The following GPR158 variants were observed in gnomAD, a reference collection of about 807,000 sequenced individuals.
GPR158 encodes metabotropic glycine receptor.
A neutral mutation model predicts 78.2 loss-of-function variants in GPR158; 30 were observed. The observed-to-expected ratio is 0.38, with a 90% CI of 0.29 to 0.52. GPR158 has a LOEUF of 0.52. Among genes scored for constraint, GPR158 ranks in the 20% least tolerant of loss-of-function variants. GPR158 has a pLI of 0.83. For missense variants in GPR158, 1,463 were observed against 1,523.5 expected (o/e 0.96, Z 0.66); for synonymous variants, 581 against 591.1 (o/e 0.98, Z 0.25).
chr10:25,175,598 C>G lies in GPR158; in HGVS notation c.178C>G (p.Pro60Ala). 2 of 1,610,804 alleles carry G rather than the reference C, an allele frequency of 1.2e-6. No individual in the cohort carries two copies. The highest frequency in any genetic ancestry group is 1.7e-6 in the Non-Finnish European group (2 of 1,179,800). ...GRASASDSSA[P>A]WSRSTDGTIL... ...AGCCTCTGCCTCGGACTCCTCGGCTCCCTGGAGCCGCTCCACCGATGGCAC... is the reference window on the plus strand; with the variant it reads ...AGCCTCTGCCTCGGACTCCTCGGCTGCCTGGAGCCGCTCCACCGATGGCAC... Residue 60 changes from proline (P) to alanine (A), a missense_variant, in exon 1 of 11, where the codon CCC (proline) becomes GCC (alanine). By Grantham distance (27) the Pro-to-Ala change is conservative (BLOSUM62 -1). Transcript: ENST00000376351. This position sits in a 1 kb window ranked among gnomAD's most constrained non-coding sequence, Gnocchi z 6.4.
In GPR158 at chr10:25,596,483, G is replaced by GTC. The variant is rs958354657; in HGVS notation, c.1999-148_1999-147dup. On this transcript the variant is annotated intron_variant, in intron 9 of 10. Coordinates refer to ENST00000376351, the MANE Select transcript of GPR158 (RefSeq NM_020752.3). ...AGACCCTGTCTGTTTGTCTGTCTGT[G>GTC]TCTCTCTCTCTCTATCTATCTATCT... 1.7e-3 allele frequency among the ~76,000 whole-genome samples: 256 copies of GTC among 151,642 alleles called. 1 individual carries two copies. The highest frequency in any genetic ancestry group is 5.4e-3 in the African/African-American group (221 of 41,308).
chr10:25,270,364 T>C (rs1564407165), intron 2 of GPR158, among the ~76,000 whole-genome samples: 1 of 152,118 alleles, frequency 6.6e-6, no homozygotes, highest in Non-Finnish European at 1.5e-5. Flanking sequence ...GAACTGAATA[T>C]GGAAGTAGAG....
intron 2 of GPR158, among the ~76,000 whole-genome samples, chr10:25,325,115 A>G (rs1234665863): frequency 1.3e-5 from 2 of 152,072 alleles, no homozygotes; most frequent in African/African-American, 4.8e-5. Context: ...AAGTGTTAGG[A>G]TTACAGGCAT....
intron 1 of GPR158, among the ~76,000 whole-genome samples, chr10:25,180,621 A>T (rs939384915): frequency 6.6e-6 from 1 of 152,246 alleles, no homozygotes; most frequent in African/African-American, 2.4e-5. Context: ...CTTTGCCTCA[A>T]GTCCCAGTTT....
chr10:25,527,733 A>ACATATAATAGAGAAACC (rs1374395609), intron 5 of GPR158, among the ~76,000 whole-genome samples: 1 of 152,096 alleles, frequency 6.6e-6, no homozygotes, highest in Non-Finnish European at 1.5e-5. Flanking sequence ...TTGAAATCAG[A>ACATATAATAGAGAAACC]CATATAATAG....
At chr10:25,506,872 C>T (rs1235060338) in intron 5 of GPR158, among the ~76,000 whole-genome samples, 1 of 152,134 alleles carries the variant, frequency 6.6e-6, no homozygotes, top group East Asian at 1.9e-4. Context: ...ATCTGATATG[C>T]AAAGTACAGA....
intron 2 of GPR158, among the ~76,000 whole-genome samples, chr10:25,226,827 G>A (rs938544493): frequency 4.6e-5 from 7 of 152,172 alleles, no homozygotes; most frequent in African/African-American, 1.7e-4. Context: ...CATGGCCATC[G>A]CTTTTGACCA....
intron 2 of GPR158, among the ~76,000 whole-genome samples, chr10:25,358,161 G>T (rs909733135): frequency 2.0e-5 from 3 of 152,046 alleles, no homozygotes; most frequent in South Asian, 4.1e-4. Context: ...CCCAATGCCT[G>T]TACCCCCATT....
At chr10:25,180,988 A>G (rs961388207) in intron 1 of GPR158, among the ~76,000 whole-genome samples, 1 of 152,212 alleles carries the variant, frequency 6.6e-6, no homozygotes, top group Non-Finnish European at 1.5e-5. Context: ...CTGAGTGCTC[A>G]CTTCACTTTC....
At chr10:25,418,840 TA>T (rs1834704161) in intron 4 of GPR158, among the ~76,000 whole-genome samples, 1 of 147,260 alleles carries the variant, frequency 6.8e-6, no homozygotes, top group South Asian at 2.2e-4. Context: ...GACTGATTTT[TA>T]AAAAACATGG....
At chr10:25,537,953 CTCT>C (rs1836522324) in intron 5 of GPR158, among the ~76,000 whole-genome samples, 1 of 152,188 alleles carries the variant, frequency 6.6e-6, no homozygotes, top group South Asian at 2.1e-4. Context: ...AATTAAACCT[CTCT>C]TCTTTTTAAA....
intron 5 of GPR158, among the ~76,000 whole-genome samples, chr10:25,513,192 T>C (rs1051087356): frequency 1.2e-4 from 18 of 152,032 alleles, no homozygotes; most frequent in African/African-American, 4.3e-4. Context: ...TTGGCAATTT[T>C]TTAATTATAA....
intron 5 of GPR158, among the ~76,000 whole-genome samples, chr10:25,480,499 C>T (rs964207368): frequency 6.6e-6 from 1 of 152,124 alleles, no homozygotes; most frequent in Admixed American, 6.6e-5. Context: ...TTCCCATTCC[C>T]TCTTCCCCCA....
chr10:25,308,354 A>C (rs547371088), intron 2 of GPR158, among the ~76,000 whole-genome samples: 6 of 151,762 alleles, frequency 4.0e-5, no homozygotes, highest in African/African-American at 1.5e-4. Flanking sequence ...CCCTGTGTCC[A>C]TGTGTTCTCA....
intron 2 of GPR158, among the ~76,000 whole-genome samples, chr10:25,300,073 A>G (rs1424877065): frequency 6.6e-6 from 1 of 152,158 alleles, no homozygotes; most frequent in Non-Finnish European, 1.5e-5. Context: ...TCAGTTTTCT[A>G]TTGCTGCTGC....
At chr10:25,182,531 C>A (rs1316511501) in intron 1 of GPR158, among the ~76,000 whole-genome samples, 1 of 152,162 alleles carries the variant, frequency 6.6e-6, no homozygotes, top group East Asian at 1.9e-4. Context: ...GGGGATTTCC[C>A]AAACTGCAAA....
chr10:25,304,721 A>G (rs1364412125), intron 2 of GPR158, among the ~76,000 whole-genome samples: 2 of 152,194 alleles, frequency 1.3e-5, no homozygotes, highest in Non-Finnish European at 2.9e-5. Flanking sequence ...CAGTTTGTCC[A>G]AAGTCATACT....
At chr10:25,184,364 A>G (rs1327803018) in intron 1 of GPR158, among the ~76,000 whole-genome samples, 1 of 152,048 alleles carries the variant, frequency 6.6e-6, no homozygotes, top group East Asian at 1.9e-4. Context: ...CTAATTTTTT[A>G]ATTTTAATTT....
At chr10:25,352,410 TATTTCTTG>T (rs1855487857) in intron 2 of GPR158, among the ~76,000 whole-genome samples, 1 of 152,078 alleles carries the variant, frequency 6.6e-6, no homozygotes, top group Non-Finnish European at 1.5e-5. Context: ...AATTCTAAGA[TATTTCTTG>T]GCATTCATCC....
Sources: gnomAD v4.1 joint callset for allele counts (sites outside exome capture counted in the v4.1 genomes callset) on GRCh38, gnomAD v4.1.1 for gene constraint, Gnocchi (gnomAD v3.1) non-coding constraint, MANE v1.5 for transcripts, NCBI Gene and HGNC (gene_info 2026-07-23, HGNC 2026-07-21) for gene names.